KIF17: variants seen among roughly 807,000 people sequenced by gnomAD.
The protein encoded by KIF17 is kinesin family member 17, also known as kinesin-like protein KIF17.
Under a neutral mutation model 96.8 loss-of-function variants are expected in KIF17, and 80 were observed. The observed-to-expected ratio is 0.83, with a 90% CI of 0.69 to 1.00. The LOEUF is 1.00. Ranked by LOEUF, KIF17 falls within the 50% of genes least tolerant of loss-of-function variation. KIF17 has a pLI of 0.00. For synonymous variants in KIF17, 567 were observed against 587.5 expected, an observed-to-expected ratio of 0.97 and a Z score of 0.51; for missense variants, 1,280 against 1,372.9, an observed-to-expected ratio of 0.93 and a Z score of 1.07.
rs1490893160 is a variant in KIF17, at chr1:20,699,327, C to T, written c.1124-839G>A. 2.0e-5 allele frequency among the ~76,000 whole-genome samples: 3 copies of T among 152,058 alleles called. No homozygotes were observed. ...ACCCCAGCACTTTGGGAGGCCTAGG[C>T]GGGTGGATCACTTGAGGTCAGGAGT... On this transcript the variant is annotated intron_variant, in intron 5 of 14. Coordinates refer to ENST00000400463, the MANE Select transcript of KIF17 (RefSeq NM_001122819.3). The surrounding 1 kb of genome is among the most constrained non-coding windows in gnomAD (Gnocchi z 4.3).
chr1:20,671,859 G>A, intron 12 of KIF17, 79 bp downstream of exon 12: 3 of 1,530,868 alleles, frequency 2.0e-6, no homozygotes, highest in Non-Finnish European at 1.8e-6. Flanking sequence ...GCAAGGAGAG[G>A]CCCACACTCC....
At chr1:20,698,122 C>T (rs1480828489) in intron 6 of KIF17, among the ~76,000 whole-genome samples, 1 of 152,236 alleles carries the variant, frequency 6.6e-6, no homozygotes, top group Non-Finnish European at 1.5e-5. Flanking sequence ...CCACACCCCT[C>T]TGTTCTCACC....
Position 20,690,282 on chromosome 1 carries a change from C to G in KIF17, c.1287G>C (p.Glu429Asp), listed in dbSNP as rs780513841. Reference sequence around the variant, plus strand: ...TGTCTTCCTCCAGCCTGGCCCGAGACTCCTGCTCGGCCTTATAGTCGGCTT... The same window carrying G: ...TGTCTTCCTCCAGCCTGGCCCGAGAGTCCTGCTCGGCCTTATAGTCGGCTT... ...RLKADYKAEQ[E>D]SRARLEEDIT... The change falls in exon 7 of 15, where the codon GAG becomes GAC. Residue 429 changes from glutamate (E) to aspartate (D), a missense_variant. Transcript: ENST00000400463. 1 of 1,566,118 alleles carries G rather than the reference C, an allele frequency of 6.4e-7. No individual in the cohort carries two copies. The highest frequency in any genetic ancestry group is 8.7e-7 in the Non-Finnish European group (1 of 1,151,706).
At chr1:20,716,205 G>T (rs2054574608) in intron 1 of KIF17, among the ~76,000 whole-genome samples, 1 of 142,664 alleles carries the variant, frequency 7.0e-6, no homozygotes, top group Non-Finnish European at 1.5e-5. Flanking sequence ...TCGTGCCACT[G>T]CACCCCAGCC....
chr1:20,711,077 GA>G (rs973321624), intron 3 of KIF17, among the ~76,000 whole-genome samples: 1 of 152,030 alleles, frequency 6.6e-6, no homozygotes, highest in Non-Finnish European at 1.5e-5. Flanking sequence ...GCTGGTTGGG[GA>G]GGTTAATATG....
At chr1:20,674,308 T>G (rs1230157184) in intron 11 of KIF17, among the ~76,000 whole-genome samples, 4 of 152,218 alleles carry the variant, frequency 2.6e-5, no homozygotes, top group Non-Finnish European at 5.9e-5. Flanking sequence ...GTCACCAAGC[T>G]GGAGTGCAGT....
At chr1:20,669,537 A>AAATAATAATAATAATAATAAT (rs71585778) in intron 13 of KIF17, among the ~76,000 whole-genome samples, 8 of 121,124 alleles carry the variant, frequency 6.6e-5, no homozygotes, top group African/African-American at 2.3e-4. Context: ...CTCTGTCTCG[A>AAATAATAATAATAATAATAAT]AATAATAATA....
chr1:20,692,796 CAA>C (rs2054064606), intron 6 of KIF17: 1 of 143,402 alleles, frequency 7.0e-6, no homozygotes. Flanking sequence ...TTTTTTGAGA[CAA>C]AGTCTCACTC....
In KIF17 at chr1:20,664,442, G is replaced by T; in HGVS notation, c.*142C>A. 6.4e-7 allele frequency: 1 copy of T among 1,564,252 alleles called. No individual in the cohort carries two copies. The highest frequency in any genetic ancestry group is 8.6e-7 in the Non-Finnish European group (1 of 1,158,456). ...TGGGCTCTCTGGGGAACAGGGAAGG[G>T]AATGTGTCTTCCCAGGGCTGAGGGA... On this transcript the variant is annotated 3_prime_UTR_variant, in exon 15 of 15. Transcript: ENST00000400463.
intron 14 of KIF17, 107 bp from the exon 15 acceptor site, chr1:20,664,869 C>G: frequency 8.6e-6 from 9 of 1,052,374 alleles, no homozygotes; most frequent in South Asian, 2.7e-5. Context: ...CTCCCGCCCC[C>G]CTGCCCAGCC....
intron 5 of KIF17, among the ~76,000 whole-genome samples, chr1:20,703,170 G>A (rs79498199): frequency 0.015 from 2,185 of 145,074 alleles, 28 homozygotes; most frequent in South Asian, 0.038. Flanking sequence ...GATGGAGATG[G>A]ATGGATGAAT....
At chr1:20,692,829 A>C (rs1379059571) in intron 6 of KIF17, 1 of 149,360 alleles carries the variant, frequency 6.7e-6, no homozygotes, top group Non-Finnish European at 1.5e-5. Context: ...GCTGTAGTGC[A>C]GTGGTGTGAT....
At chr1:20,715,743 C>A in intron 1 of KIF17, 104 bp from the exon 2 acceptor site, 1 of 1,348,062 alleles carries the variant, frequency 7.4e-7, no homozygotes, top group Non-Finnish European at 1.0e-6. Flanking sequence ...CTGGTCCCCC[C>A]ACCAACAATG....
intron 11 of KIF17, among the ~76,000 whole-genome samples, chr1:20,679,802 T>C (rs1242588479): frequency 2.0e-5 from 3 of 152,328 alleles, no homozygotes; most frequent in Admixed American, 6.5e-5. Context: ...CCCTAGAACC[T>C]CCTGAAAGAA....
chr1:20,667,797 C>T (rs1215195097), intron 13 of KIF17, among the ~76,000 whole-genome samples: 1 of 151,894 alleles, frequency 6.6e-6, no homozygotes, highest in African/African-American at 2.4e-5. Flanking sequence ...CACCTGAGGC[C>T]AGGAGTTCAA....
At chr1:20,698,989 A>G (rs1172778794) in intron 5 of KIF17, among the ~76,000 whole-genome samples, 2 of 152,092 alleles carry the variant, frequency 1.3e-5, no homozygotes, top group Non-Finnish European at 2.9e-5. Context: ...TTGCTCTGCC[A>G]CCCAAGCCGG....
At position 20,687,887 on chromosome 1, in the gene KIF17, A is replaced by C. The variant is rs758293573; in HGVS notation, c.1439T>G (p.Phe480Cys). ...AGGCGGGTACTCAGCGCTGCTGGCA[A>C]ACTCAGCCCTGGACATGACCTCAGC... Reference protein sequence around the residue: ...YKAEVMSRAEFASSAEYPPAF... With the variant: ...YKAEVMSRAECASSAEYPPAF... The change falls in exon 8 of 15, where the codon TTT becomes TGT. Residue 480 changes from phenylalanine (F) to cysteine (C), a missense_variant. Coordinates refer to ENST00000400463, the MANE Select transcript of KIF17 (RefSeq NM_001122819.3). This position sits in a 1 kb window ranked among gnomAD's most constrained non-coding sequence, Gnocchi z 4.4. 11 of 1,613,908 alleles carry C rather than the reference A, an allele frequency of 6.8e-6. No individual in the cohort carries two copies. The East Asian group carries it at 8.9e-5, about 13-fold the overall frequency.
Position 20,713,477 on chromosome 1 carries a change from C to A in KIF17, c.457G>T (p.Ala153Ser). 1 of 1,613,158 alleles carries A rather than the reference C, an allele frequency of 6.2e-7. No homozygotes were observed. The highest frequency in any genetic ancestry group is 1.3e-5 in the African/African-American group (1 of 74,856). Residue 153 changes from alanine to serine, a missense_variant, in exon 3 of 15, where the codon GCT (alanine) becomes TCT (serine). Ala to Ser is a moderately conservative substitution (Grantham distance 99, BLOSUM62 1). Coordinates refer to ENST00000400463, the MANE Select transcript of KIF17 (RefSeq NM_001122819.3). ...ACCTCCAGCTTCTGCTTGGTGTCAG[C>A]CCCAAGGAGGTCCCGGACATCTTCA... ...YNEDVRDLLG[A>S]DTKQKLELKE... is the part of the protein sequence containing the mutation.
At chr1:20,668,319 A>AG (rs2053571055) in intron 13 of KIF17, among the ~76,000 whole-genome samples, 1 of 152,192 alleles carries the variant, frequency 6.6e-6, no homozygotes, top group Admixed American at 6.5e-5. Flanking sequence ...CAAAAAAAAA[A>AG]AAAGAGGTGA....
Sources: allele counts gnomAD v4.1 joint callset (sites outside exome capture counted in the v4.1 genomes callset), GRCh38; gene constraint gnomAD v4.1.1; non-coding constraint Gnocchi (gnomAD v3.1); transcripts MANE v1.5; gene names NCBI Gene and HGNC (gene_info 2026-07-23, HGNC 2026-07-21).